Variants in CALN1 observed in about 807,000 individuals in gnomAD.
The protein encoded by CALN1 is calneuron 1.
A neutral mutation model predicts 30.6 loss-of-function variants in CALN1; 17 were observed. That is an observed-to-expected ratio of 0.56 (90% CI 0.38 to 0.83). The LOEUF (loss-of-function observed/expected upper bound fraction) is 0.83, where lower values mean the gene tolerates loss of function less well. Ranked by LOEUF, CALN1 falls within the 40% of genes least tolerant of loss-of-function variation. CALN1 has a pLI of 0.00. For synonymous variants in CALN1, 156 were observed against 131.4 expected (o/e 1.19, Z -1.28); for missense variants, 291 against 354.9 (o/e 0.82, Z 1.45).
intron 5 of CALN1, among the ~76,000 whole-genome samples, chr7:71,899,750 A>AACTGATACC (rs1793746586): frequency 6.6e-6 from 1 of 152,208 alleles, no homozygotes; most frequent in African/African-American, 2.4e-5. Context: ...ACTTCAGAAT[A>AACTGATACC]ACTGATACCA....
At chr7:71,953,865 G>A (rs1315755139) in intron 5 of CALN1, among the ~76,000 whole-genome samples, 1 of 152,034 alleles carries the variant, frequency 6.6e-6, no homozygotes, top group African/African-American at 2.4e-5. Flanking sequence ...GGGTGAGGGA[G>A]GCAGCTAGGA....
chr7:72,187,724 C>G (rs2129546580), intron 3 of CALN1, among the ~76,000 whole-genome samples: 1 of 152,280 alleles, frequency 6.6e-6, no homozygotes, highest in South Asian at 2.1e-4. Flanking sequence ...AAATCCATGT[C>G]AGCATTCGCT....
intron 2 of CALN1, among the ~76,000 whole-genome samples, chr7:72,290,673 C>T (rs942109573): frequency 6.6e-6 from 1 of 152,158 alleles, no homozygotes; most frequent in African/African-American, 2.4e-5. Context: ...TCTTTAAACT[C>T]TTTTTAATTG....
At chr7:72,293,657 A>AT (rs1798647473) in intron 2 of CALN1, among the ~76,000 whole-genome samples, 1 of 152,134 alleles carries the variant, frequency 6.6e-6, no homozygotes, top group East Asian at 1.9e-4. Flanking sequence ...CACGTTTGGT[A>AT]TTTTTTTTCT....
At chr7:71,972,257 C>T (rs1449997993) in intron 5 of CALN1, among the ~76,000 whole-genome samples, 2 of 152,088 alleles carry the variant, frequency 1.3e-5, no homozygotes, top group Non-Finnish European at 2.9e-5. Flanking sequence ...TCTGAACACC[C>T]CACAGGATTT....
chr7:72,110,274 G>A (rs898194531), intron 3 of CALN1, among the ~76,000 whole-genome samples: 2 of 152,188 alleles, frequency 1.3e-5, no homozygotes, highest in African/African-American at 2.4e-5. Context: ...GCCTGGAAAT[G>A]AGGACCCGGA....
Position 71,810,457 on chromosome 7 carries a change from C to T in CALN1, c.537G>A (p.Lys179=). The change falls in exon 6 of 7, where the codon AAG becomes AAA. Residue 179 remains lysine (K), a synonymous_variant. Transcript: ENST00000395275. ...DMQRITLEEL[K]HILYHAFRDH... ...CTCGGAAGGCATGATAGAGAATGTG[C>T]TTCAACTCTTCCAGAGTTATCCTTT... 2.5e-6 allele frequency: 4 copies of T among 1,614,006 alleles called. No homozygotes were observed. Among genetic ancestry groups the T allele is most frequent in the Non-Finnish European group, 3.4e-6 (4 of 1,179,954 alleles).
At chr7:72,163,113 A>T (rs2129544940) in intron 3 of CALN1, among the ~76,000 whole-genome samples, 1 of 152,326 alleles carries the variant, frequency 6.6e-6, no homozygotes, top group East Asian at 1.9e-4. Context: ...GTCAAATTAC[A>T]GAGATTGGCA....
intron 5 of CALN1, among the ~76,000 whole-genome samples, chr7:71,814,795 T>C (rs1788161192): frequency 6.6e-6 from 1 of 152,132 alleles, no homozygotes. Flanking sequence ...AAGAATGCAG[T>C]GTACAATACA....
At chr7:71,988,702 G>C (rs1395802314) in intron 5 of CALN1, among the ~76,000 whole-genome samples, 1 of 152,148 alleles carries the variant, frequency 6.6e-6, no homozygotes, top group Non-Finnish European at 1.5e-5. Context: ...ATGAGATCCA[G>C]GCACAGACGC....
chr7:72,024,056 G>A (rs1283409607), intron 4 of CALN1, among the ~76,000 whole-genome samples: 2 of 152,122 alleles, frequency 1.3e-5, no homozygotes, highest in African/African-American at 4.8e-5. Context: ...CCTCACCCCT[G>A]CTTCTCCTTT....
intron 5 of CALN1, among the ~76,000 whole-genome samples, chr7:71,870,321 T>G (rs1340814949): frequency 6.6e-6 from 1 of 151,716 alleles, no homozygotes; most frequent in Non-Finnish European, 1.5e-5. Context: ...AGGTGGAGGT[T>G]GCAGTGAGCC....
chr7:72,453,993 A>AAAAAATATATAT, the CALN1 span, among the ~76,000 whole-genome samples: 1 of 148,138 alleles, frequency 6.8e-6, no homozygotes, highest in African/African-American at 2.5e-5. Context: ...ACAACCAAAA[A>AAAAAATATATAT]ATATATATAT....
chr7:72,376,579 G>A (rs978121244), intron 2 of CALN1, among the ~76,000 whole-genome samples: 8 of 152,226 alleles, frequency 5.3e-5, no homozygotes, highest in Admixed American at 5.2e-4. Context: ...TTGTTGAATT[G>A]TGCAAGTTCT....
At chr7:72,257,556 A>G (rs1296333185) in intron 3 of CALN1, among the ~76,000 whole-genome samples, 5 of 152,164 alleles carry the variant, frequency 3.3e-5, no homozygotes, top group African/African-American at 1.2e-4. Flanking sequence ...CAGTGTGGAG[A>G]TTCCTTAAAG....
At position 72,174,946 on chromosome 7, in the gene CALN1, G is replaced by A. The variant is rs180974150; in HGVS notation, c.245-68652C>T. 3.8e-3 allele frequency among the ~76,000 whole-genome samples: 546 copies of A among 143,534 alleles called. 10 individuals are homozygous for A. The highest frequency in any genetic ancestry group is 0.012 in the African/African-American group (461 of 38,280). 94.2% of individuals were successfully genotyped at this position (143,534 alleles called of 152,430 possible). On this transcript the variant is annotated intron_variant, in intron 3 of 6. Coordinates refer to ENST00000395275, the MANE Select transcript of CALN1 (RefSeq NM_031468.4). ...AATCAATTTTTTTTTTTTTTGAGAC[G>A]GAGTCTCGCTCTGTCTTTGGTCTCT...
At chr7:71,927,300 CCTGGACTCAAGTGATT>C (rs1274556046) in intron 5 of CALN1, among the ~76,000 whole-genome samples, 1 of 152,142 alleles carries the variant, frequency 6.6e-6, no homozygotes, top group Non-Finnish European at 1.5e-5. Flanking sequence ...ACCTCTGCCT[CCTGGACTCAAGTGATT>C]CTCCTGCCTC....
At chr7:72,242,995 G>A (rs1286333320) in intron 3 of CALN1, among the ~76,000 whole-genome samples, 1 of 152,218 alleles carries the variant, frequency 6.6e-6, no homozygotes, top group East Asian at 1.9e-4. Context: ...TATGGATGTA[G>A]ATATTCCCAA....
At chr7:72,378,680 C>A (rs1804709260) in intron 2 of CALN1, among the ~76,000 whole-genome samples, 2 of 71,302 alleles carry the variant, frequency 2.8e-5, no homozygotes, top group South Asian at 1.6e-3. Context: ...TTATTTCCAT[C>A]TGCCAAGTTT....
Sources: allele counts gnomAD v4.1 joint callset (sites outside exome capture counted in the v4.1 genomes callset), GRCh38; gene constraint gnomAD v4.1.1; transcripts MANE v1.5; gene names NCBI Gene and HGNC (gene_info 2026-07-23, HGNC 2026-07-21).